The following OGFR variants were observed in gnomAD, a reference collection of about 807,000 sequenced individuals.
OGFR encodes the protein opioid growth factor receptor, also known as protein 7-60.
Under a neutral mutation model 33.6 loss-of-function variants are expected in OGFR, and 18 were observed. The observed-to-expected ratio is 0.54, with a 90% CI of 0.37 to 0.80. The LOEUF (loss-of-function observed/expected upper bound fraction) is 0.80, where lower values mean the gene tolerates loss of function less well. OGFR is among the 30% of genes least tolerant of loss of function. The pLI is 0.00. For synonymous variants in OGFR, 370 were observed against 400.7 expected, an observed-to-expected ratio of 0.92 and a Z score of 0.91; for missense variants, 877 against 955.8, an observed-to-expected ratio of 0.92 and a Z score of 1.09.
rs1990625818 is a variant in OGFR, at chr20:62,807,578, C to T, written c.213C>T (p.Asp71=). ...CCAGAAACTGGCGAGCCACGAGGGA[C>T]ATGTGTAGGTATCGGCACAACTATC... ...TGSRNWRATR[D]MCRYRHNYPD... The change falls in exon 2 of 7, where the codon GAC becomes GAT. Residue 71 remains aspartate, a synonymous_variant. Coordinates refer to ENST00000290291, the MANE Select transcript of OGFR (RefSeq NM_007346.4). The T allele has an allele frequency of 6.2e-7, 1 of 1,613,160 alleles. No homozygotes were observed. The highest frequency in any genetic ancestry group is 8.5e-7 in the Non-Finnish European group (1 of 1,179,878).
In OGFR at chr20:62,810,623, G is replaced by A. The variant is rs1374790514; in HGVS notation, c.465+58G>A. 7.8e-6 allele frequency: 12 copies of A among 1,537,236 alleles called. No individual in the cohort carries two copies. The East Asian group carries it at 1.4e-4, about 17-fold the overall frequency. On this transcript the variant is annotated intron_variant, in intron 5 of 6. Transcript: ENST00000290291. ...AGATGGGGAGGCCTGGGCAAGCCAC[G>A]CCGCTGCAGAGACGGGGTCGCCTCT...
At chr20:62,812,113 T>C in intron 6 of OGFR, 117 bp from the exon 7 acceptor site, 1 of 852,276 alleles carries the variant, frequency 1.2e-6, no homozygotes, top group Non-Finnish European at 1.8e-6. Context: ...AGAGACTGAA[T>C]CGTGGGCCAG....
At position 62,812,138 on chromosome 20, in the gene OGFR, G is replaced by A. The variant is rs1000334423; in HGVS notation, c.615-92G>A. The A allele has an allele frequency of 1.5e-5, 17 of 1,161,520 alleles. No homozygotes were observed. The African/African-American group carries it at 2.0e-4, about 14-fold the overall frequency. The allele number at this position is 1,161,520 out of a possible 1,614,324, so 72.0% of individuals were successfully genotyped here. Reference sequence around the variant, plus strand: ...TCGTGGGCCAGGGTGGGGAGACCTCGTGGAGCCGGGTGGGAGGGCAGGCCA... The same window carrying A: ...TCGTGGGCCAGGGTGGGGAGACCTCATGGAGCCGGGTGGGAGGGCAGGCCA... On this transcript the variant is annotated intron_variant, in intron 6 of 6. Transcript: ENST00000290291.
At chr20:62,811,713 G>A (rs1234851849) in intron 6 of OGFR, 103 bp downstream of exon 6, 1 of 1,320,944 alleles carries the variant, frequency 7.6e-7, no homozygotes, top group Non-Finnish European at 1.0e-6. Context: ...AGAACTCCAG[G>A]GCTGTTTGGG....
chr20:62,805,071 GC>G (rs1001099773), intron 1 of OGFR, 41 bp downstream of exon 1: 14 of 1,278,358 alleles, frequency 1.1e-5, no homozygotes, highest in Non-Finnish European at 6.9e-6. Flanking sequence ...GGTCCCCGGC[GC>G]CCCCCGCCCG....
chr20:62,807,306 CCT>C (rs1990617326), intron 1 of OGFR: 2 of 569,688 alleles, frequency 3.5e-6, no homozygotes, highest in African/African-American at 3.8e-5. Context: ...CTACCGCAGC[CCT>C]CTCTGGTTCT....
intron 2 of OGFR, 165 bp downstream of exon 2, chr20:62,807,770 C>A: frequency 4.5e-6 from 3 of 671,662 alleles, no homozygotes; most frequent in Non-Finnish European, 7.7e-6. Context: ...ATTCAGAGCC[C>A]TGCCCTTCCC....
At chr20:62,809,708 G>C (rs757385991) in intron 4 of OGFR, 45 bp downstream of exon 4, 1 of 1,268,688 alleles carries the variant, frequency 7.9e-7, no homozygotes, top group Non-Finnish European at 1.1e-6. Flanking sequence ...CGAGGCCACA[G>C]GGGGAGGGCC....
intron 1 of OGFR, chr20:62,805,821 G>C (rs1014099455): frequency 6.6e-6 from 1 of 152,606 alleles, no homozygotes; most frequent in Non-Finnish European, 1.5e-5. Flanking sequence ...GGGCAGGGGG[G>C]TGGGGTCTGG....
chr20:62,813,741 C>T lies in OGFR; in HGVS notation c.*92C>T. ...TGCTGCGGGCTCCCCTCAGGCTCTGCTTCGTGACCCGTGACCCATGACCCA... is the reference window on the plus strand; with the variant it reads ...TGCTGCGGGCTCCCCTCAGGCTCTGTTTCGTGACCCGTGACCCATGACCCA... On this transcript the variant is annotated 3_prime_UTR_variant, in exon 7 of 7. Transcript: ENST00000290291. The T allele has an allele frequency of 3.4e-6, 5 of 1,458,558 alleles. 1 individual carries two copies. The South Asian group carries it at 5.8e-5, about 17-fold the overall frequency. The allele number at this position is 1,458,558 out of a possible 1,614,324, so 90.4% of individuals were successfully genotyped here.
At chr20:62,805,168 G>C in intron 1 of OGFR, 138 bp downstream of exon 1, 2 of 555,286 alleles carry the variant, frequency 3.6e-6, no homozygotes, top group Non-Finnish European at 5.4e-6. Flanking sequence ...CCCCCCCCCA[G>C]ACCGGCCGAC....
At position 62,813,587 on chromosome 20, in the gene OGFR, G is replaced by T. The variant is rs11543349; in HGVS notation, c.1972G>T (p.Gly658Trp). The change falls in exon 7 of 7, where the codon GGG (glycine) becomes TGG (tryptophan). Residue 658 changes from glycine to tryptophan, a missense_variant. This residue lies in a region of OGFR where 45 missense variants were observed against 38.0 expected (regional missense o/e 1.19). Transcript: ENST00000290291. ...TACAAGGGATGAGCCAGCCAAGGCG[G>T]GGGAGGCAGCAGAGTTGCAGGACGC... ...GPTRDEPAKAGEAAELQDAEV... is the reference protein window; with the variant it reads ...GPTRDEPAKAWEAAELQDAEV... 6.2e-7 allele frequency: 1 copy of T among 1,609,858 alleles called. No homozygotes were observed. Among genetic ancestry groups the T allele is most frequent in the Admixed American group, 1.7e-5 (1 of 59,484 alleles).
chr20:62,813,615 A>G lies in OGFR; in HGVS notation c.2000A>G (p.Glu667Gly). The change falls in exon 7 of 7, where the codon GAG (glutamate) becomes GGG (glycine). Residue 667 changes from glutamate (E) to glycine (G), a missense_variant. By Grantham distance (98) the Glu-to-Gly change is moderately conservative (BLOSUM62 -2). This residue lies in a region of OGFR where 45 missense variants were observed against 38.0 expected (regional missense o/e 1.19). Transcript: ENST00000290291. ...GAGGCAGCAGAGTTGCAGGACGCAG[A>G]GGTGGAGTCTTCTGCCAAGTCTGGG... ...AGEAAELQDA[E>G]VESSAKSGKP 6.2e-7 allele frequency: 1 copy of G among 1,612,798 alleles called. No homozygotes were observed. Among genetic ancestry groups the G allele is most frequent in the South Asian group, 1.1e-5 (1 of 91,070 alleles).
intron 1 of OGFR, chr20:62,805,328 TG>T (rs540318823): frequency 0.01 from 2,109 of 205,550 alleles, 28 homozygotes; most frequent in South Asian, 0.022. Flanking sequence ...CCGCCCCTGA[TG>T]GAACCCCTCC....
rs1290829509 is a variant in OGFR at position 62,812,510 on chromosome 20, T to G, written c.895T>G (p.Ser299Ala). ...QDKLRRFKPS[S>A]LPHPLEGSRK... ...CAAGCTGCGGAGGTTCAAGCCCAGC[T>G]CTCTGCCCCATCCGCTCGAGGGCTC... Residue 299 changes from serine to alanine, a missense_variant, in exon 7 of 7, where the codon TCT (serine) becomes GCT (alanine). Around this residue, in one of 3 missense-constraint regions of OGFR, gnomAD observed 760 missense variants for 736.0 expected, o/e 1.03. Coordinates refer to ENST00000290291, the MANE Select transcript of OGFR (RefSeq NM_007346.4). 2 of 1,585,170 alleles carry G rather than the reference T, an allele frequency of 1.3e-6. No homozygotes were observed. The highest frequency in any genetic ancestry group is 1.1e-5 in the South Asian group (1 of 87,330).
chr20:62,812,149 T>G (rs2147186184), intron 6 of OGFR, 81 bp from the exon 7 acceptor site: 1 of 1,253,688 alleles, frequency 8.0e-7, no homozygotes. Context: ...TGGAGCCGGG[T>G]GGGAGGGCAG....
chr20:62,811,626 T>TGGGCCCCCCCCCCCCCC lies in OGFR; in HGVS notation c.614+16_614+17insGGGCCCCCCCCCCCCCC. ...ACCTGAACTGGTGAGGCCCGGCTGC[T>TGGGCCCCCCCCCCCCCC]CCCGCCCACCCCCACCCCGGCGCAG... On this transcript the variant is annotated intron_variant, in intron 6 of 6. Transcript: ENST00000290291. The TGGGCCCCCCCCCCCCCC allele has an allele frequency of 6.7e-7, 1 of 1,502,548 alleles. No individual in the cohort carries two copies. The highest frequency in any genetic ancestry group is 9.0e-7 in the Non-Finnish European group (1 of 1,110,138). The allele number at this position is 1,502,548 out of a possible 1,614,324, so 93.1% of individuals were successfully genotyped here. A position where few individuals can be genotyped will look rare whatever the true frequency, so the allele number is the denominator to read the frequency against.
intron 5 of OGFR, among the ~76,000 whole-genome samples, chr20:62,811,256 C>T (rs758220072): frequency 1.1e-4 from 17 of 152,088 alleles, no homozygotes; most frequent in African/African-American, 2.4e-4. Flanking sequence ...CCCAGCTACT[C>T]GGGAGGCAGA....
At chr20:62,807,509 G>T (rs1312528171) in intron 1 of OGFR, 28 bp from the exon 2 acceptor site, 8 of 1,607,290 alleles carry the variant, frequency 5.0e-6, no homozygotes, top group Non-Finnish European at 6.8e-6. Context: ...TCCCATGGGG[G>T]TCCTAATCCC....
Sources: allele counts gnomAD v4.1 joint callset (sites outside exome capture counted in the v4.1 genomes callset), GRCh38; gene constraint gnomAD v4.1.1; regional missense constraint gnomAD v4.1.1; transcripts MANE v1.5; gene names NCBI Gene and HGNC (gene_info 2026-07-23, HGNC 2026-07-21).